WWOX: variants seen among roughly 807,000 people sequenced by gnomAD.
WWOX encodes the protein WW domain containing oxidoreductase.
A neutral mutation model predicts 46.2 loss-of-function variants in WWOX; 69 were observed. The ratio of observed to expected loss-of-function variants is 1.49; its 90% CI spans 1.23 to 1.82. The LOEUF (loss-of-function observed/expected upper bound fraction) is 1.82, where lower values mean the gene tolerates loss of function less well. WWOX is among the 40% of genes most tolerant of loss of function. The pLI, the probability that WWOX is intolerant of heterozygous loss-of-function variation, is 0.00. For missense variants in WWOX, 919 were observed against 542.6 expected (o/e 1.69, Z -6.89); for synonymous variants, 359 against 202.6 (o/e 1.77, Z -6.56).
intron 5 of WWOX, among the ~76,000 whole-genome samples, chr16:78,200,616 C>G (rs1400110103): frequency 6.6e-6 from 1 of 151,026 alleles, no homozygotes; most frequent in East Asian, 2.0e-4. Flanking sequence ...AATCCACATA[C>G]TGGCAGATCT....
intron 5 of WWOX, among the ~76,000 whole-genome samples, chr16:78,370,130 CAAAA>C (rs749015478): frequency 3.4e-4 from 26 of 76,088 alleles, no homozygotes; most frequent in Admixed American, 1.1e-3. Context: ...AGACTGTCTC[CAAAA>C]AAAAAAAAAA....
In WWOX at chr16:78,510,336, C is replaced by G. The variant is rs139676980; in HGVS notation, c.1056+77584C>G. On this transcript the variant is annotated intron_variant, in intron 8 of 8. Coordinates refer to ENST00000566780, the MANE Select transcript of WWOX (RefSeq NM_016373.4). ...TTCTCCTGCCTCCGCTTCCCAAGTACCTGGGATTATAGACACCCACCACCA... is the reference window on the plus strand; with the variant it reads ...TTCTCCTGCCTCCGCTTCCCAAGTAGCTGGGATTATAGACACCCACCACCA... Among the ~76,000 whole-genome samples, 3 of 152,168 alleles carry G rather than the reference C, an allele frequency of 2.0e-5. No individual in the cohort carries two copies. The East Asian group carries it at 5.8e-4, about 29-fold the overall frequency.
At chr16:78,103,808 G>T (rs971086670) in intron 1 of WWOX, among the ~76,000 whole-genome samples, 1 of 152,010 alleles carries the variant, frequency 6.6e-6, no homozygotes, top group African/African-American at 2.4e-5. Context: ...AGAGGCTGTA[G>T]CTCCCACTGA....
At chr16:78,452,075 T>A (rs2083703413) in intron 8 of WWOX, among the ~76,000 whole-genome samples, 1 of 152,214 alleles carries the variant, frequency 6.6e-6, no homozygotes. Flanking sequence ...TCATGTTAGA[T>A]CCCTTTTTTG....
In WWOX at chr16:78,590,166, T is replaced by C. The variant is rs186895121; in HGVS notation, c.1056+157414T>C. On this transcript the variant is annotated intron_variant, in intron 8 of 8. Coordinates refer to ENST00000566780, the MANE Select transcript of WWOX (RefSeq NM_016373.4). ...ATTCAGTCTCTCTCTCTCTCTCTGT[T>C]TATTATAGATAGAAATAAAAAAATT... Among the ~76,000 whole-genome samples, 7 of 39,322 alleles carry C rather than the reference T, an allele frequency of 1.8e-4. No homozygotes were observed. In the East Asian group the frequency reaches 3.5e-3, roughly 20 times the overall value. The allele number at this position is 39,322 out of a possible 152,430, so 25.8% of individuals were successfully genotyped here.
At chr16:78,693,031 A>G (rs1423220487) in intron 8 of WWOX, among the ~76,000 whole-genome samples, 1 of 152,214 alleles carries the variant, frequency 6.6e-6, no homozygotes, top group Non-Finnish European at 1.5e-5. Flanking sequence ...CCATATGGAC[A>G]TCATATTATT....
At chr16:78,196,364 G>T (rs961670376) in intron 5 of WWOX, among the ~76,000 whole-genome samples, 2 of 152,008 alleles carry the variant, frequency 1.3e-5, no homozygotes, top group African/African-American at 4.8e-5. Flanking sequence ...TTCCCTGAAG[G>T]ACATATAAAA....
chr16:78,992,435 C>G (rs1234994678), intron 8 of WWOX, among the ~76,000 whole-genome samples: 1 of 152,098 alleles, frequency 6.6e-6, no homozygotes, highest in Non-Finnish European at 1.5e-5. Context: ...CCTCTGCACT[C>G]CAGCCTGGGC....
chr16:78,658,618 G>A (rs947367176), intron 8 of WWOX, among the ~76,000 whole-genome samples: 4 of 152,196 alleles, frequency 2.6e-5, no homozygotes, highest in East Asian at 3.9e-4. Context: ...GACATTCGTC[G>A]GCTTGTGGCA....
chr16:78,735,988 A>C (rs920770170), intron 8 of WWOX, among the ~76,000 whole-genome samples: 5 of 152,164 alleles, frequency 3.3e-5, no homozygotes, highest in African/African-American at 1.2e-4. Context: ...ACCTCAAGCG[A>C]TTCTGGCCTC....
At chr16:78,631,812 C>G (rs1485259559) in intron 8 of WWOX, among the ~76,000 whole-genome samples, 3 of 152,172 alleles carry the variant, frequency 2.0e-5, no homozygotes, top group Non-Finnish European at 4.4e-5. Flanking sequence ...AGGTGTGAAC[C>G]ACCATACCCA....
At chr16:78,801,853 T>C (rs1048996784) in intron 8 of WWOX, among the ~76,000 whole-genome samples, 1 of 152,220 alleles carries the variant, frequency 6.6e-6, no homozygotes, top group African/African-American at 2.4e-5. Context: ...GTTGATATTT[T>C]ATAGATTGTT....
chr16:78,176,883 C>G (rs193189885), intron 5 of WWOX, among the ~76,000 whole-genome samples: 2 of 152,086 alleles, frequency 1.3e-5, no homozygotes, highest in Non-Finnish European at 2.9e-5. Context: ...CAGTGGTCTC[C>G]GTGGTGTTTC....
intron 8 of WWOX, among the ~76,000 whole-genome samples, chr16:78,691,548 A>G (rs1219373525): frequency 6.6e-6 from 1 of 152,052 alleles, no homozygotes; most frequent in African/African-American, 2.4e-5. Flanking sequence ...CTCTACAAAA[A>G]ATAAAAAAAA....
At chr16:79,010,196 G>C (rs948178656) in intron 8 of WWOX, among the ~76,000 whole-genome samples, 1 of 152,144 alleles carries the variant, frequency 6.6e-6, no homozygotes, top group African/African-American at 2.4e-5. Context: ...GCTTCCCCAG[G>C]AGGCTTTCAC....
At chr16:78,671,215 G>C (rs1399407125) in intron 8 of WWOX, among the ~76,000 whole-genome samples, 1 of 152,138 alleles carries the variant, frequency 6.6e-6, no homozygotes, top group African/African-American at 2.4e-5. Flanking sequence ...TTCAACCCAG[G>C]AGTTCGAGAC....
At chr16:78,900,532 C>A (rs561571892) in intron 8 of WWOX, among the ~76,000 whole-genome samples, 2 of 152,310 alleles carry the variant, frequency 1.3e-5, no homozygotes, top group Admixed American at 1.3e-4. Flanking sequence ...TAAGAATTTT[C>A]TAAGCAGAGG....
intron 8 of WWOX, among the ~76,000 whole-genome samples, chr16:79,132,685 C>G (rs75790521): frequency 6.6e-6 from 1 of 151,654 alleles, no homozygotes; most frequent in East Asian, 1.9e-4. Context: ...CTTATATTGT[C>G]GCTTAAAAAA....
At chr16:78,484,147 T>C (rs1322601262) in intron 8 of WWOX, among the ~76,000 whole-genome samples, 1 of 152,242 alleles carries the variant, frequency 6.6e-6, no homozygotes, top group Non-Finnish European at 1.5e-5. Flanking sequence ...GTGCTTTGTA[T>C]AAACATATGA....
Sources: allele counts gnomAD v4.1 joint callset (sites outside exome capture counted in the v4.1 genomes callset), GRCh38; gene constraint gnomAD v4.1.1; transcripts MANE v1.5; gene names NCBI Gene and HGNC (gene_info 2026-07-23, HGNC 2026-07-21).